Variants in NPFFR2 observed in about 807,000 individuals in gnomAD.
NPFFR2 encodes G-protein coupled receptor 74.
A neutral mutation model predicts 13.1 loss-of-function variants in NPFFR2; 15 were observed. The observed-to-expected ratio is 1.15, with a 90% CI of 0.77 to 1.76. The LOEUF (loss-of-function observed/expected upper bound fraction) is 1.76, where lower values mean the gene tolerates loss of function less well. Among genes scored for constraint, NPFFR2 ranks in the 40% most tolerant of loss-of-function variants. The pLI is 0.00. For missense variants in NPFFR2, 572 were observed against 503.5 expected (o/e 1.14, Z -1.30); for synonymous variants, 190 against 175.7 (o/e 1.08, Z -0.65).
At chr4:72,074,623 G>A (rs1720372188) in intron 1 of NPFFR2, among the ~76,000 whole-genome samples, 1 of 151,836 alleles carries the variant, frequency 6.6e-6, no homozygotes, top group Admixed American at 6.6e-5. Context: ...GGTAAAGGGG[G>A]ACTACTATAT....
intron 1 of NPFFR2, among the ~76,000 whole-genome samples, chr4:72,033,920 T>A (rs1195662100): frequency 1.3e-5 from 2 of 152,132 alleles, no homozygotes; most frequent in South Asian, 2.1e-4. Context: ...TGTGTGTGCA[T>A]GTGTGTGAGT....
At position 72,145,264 on chromosome 4, in the gene NPFFR2, T is replaced by C. The variant is rs1722739215; in HGVS notation, c.429-1714T>C. ...TATTAAACAAATATGTAAGTACATA[T>C]ATTGTTATAAATATAAATATATAAA... On this transcript the variant is annotated intron_variant, in intron 3 of 3. Transcript: ENST00000308744. Among the ~76,000 whole-genome samples the C allele has an allele frequency of 3.9e-5, 4 of 102,692 alleles. No homozygotes were observed. In the East Asian group the frequency reaches 2.1e-3, roughly 53 times the overall value. 67.4% of individuals were successfully genotyped at this position (102,692 alleles called of 152,430 possible).
Position 72,147,791 on chromosome 4 carries a change from T to G in NPFFR2, c.1242T>G (p.Thr414=). Residue 414 remains threonine (T), a synonymous_variant, in exon 4 of 4, where the codon ACT becomes ACG. Transcript: ENST00000308744. ...TAGTGATGGAAGAATTAAAAGAAAC[T>G]ACTAACAGCAGTGAGATTTAAAAAG... ...QELVMEELKE[T]TNSSEI is the part of the protein sequence containing the mutation. The G allele has an allele frequency of 1.3e-6, 2 of 1,577,716 alleles. No individual in the cohort carries two copies. The highest frequency in any genetic ancestry group is 1.7e-6 in the Non-Finnish European group (2 of 1,169,068).
Position 72,032,978 on chromosome 4 carries a change from A to G in NPFFR2, c.-8+778A>G, listed in dbSNP as rs183706222. Among the ~76,000 whole-genome samples the G allele has an allele frequency of 2.3e-3, 344 of 152,342 alleles. 5 individuals are homozygous for G. Among genetic ancestry groups the G allele is most frequent in the African/African-American group, 7.8e-3 (324 of 41,558 alleles). On this transcript the variant is annotated intron_variant, in intron 1 of 3. Coordinates refer to ENST00000308744, the MANE Select transcript of NPFFR2 (RefSeq NM_004885.3). ...CTTTTTAAAAAATCTTAATGATAACATGAATTATACAAAGATGCTGGTTTC... is the reference window on the plus strand; with the variant it reads ...CTTTTTAAAAAATCTTAATGATAACGTGAATTATACAAAGATGCTGGTTTC...
At chr4:72,078,957 T>C (rs1490900707) in intron 1 of NPFFR2, among the ~76,000 whole-genome samples, 1 of 152,022 alleles carries the variant, frequency 6.6e-6, no homozygotes, top group Non-Finnish European at 1.5e-5. Flanking sequence ...GCTGTTGCTA[T>C]AGAAGGGTAG....
rs560113820 is a variant in NPFFR2, at chr4:72,089,745, A to G, written c.-7-38840A>G. 5.9e-5 allele frequency among the ~76,000 whole-genome samples: 9 copies of G among 152,204 alleles called. No homozygotes were observed. In the South Asian group the frequency reaches 1.5e-3, roughly 25 times the overall value. ...TCCCTTGTCAGATGCATAGATTACA[A>G]ATATTTTCTCCCACTCTTTGTGTTA... is the stretch of plus-strand genomic sequence containing the variant. On this transcript the variant is annotated intron_variant, in intron 1 of 3. Transcript: ENST00000308744.
At chr4:72,120,718 C>A (rs1046074182) in intron 1 of NPFFR2, among the ~76,000 whole-genome samples, 9 of 152,106 alleles carry the variant, frequency 5.9e-5, no homozygotes, top group Non-Finnish European at 1.0e-4. Flanking sequence ...TCAACATCAA[C>A]AAAAAGGAAG....
At chr4:72,102,534 A>AC (rs1721283903) in intron 1 of NPFFR2, among the ~76,000 whole-genome samples, 1 of 39,206 alleles carries the variant, frequency 2.6e-5, no homozygotes, top group Admixed American at 3.5e-4. Flanking sequence ...CCCTCCCCCC[A>AC]CCCACAACAG....
At chr4:72,053,212 G>GTAAATAGAA (rs374901586) in intron 1 of NPFFR2, among the ~76,000 whole-genome samples, 10 of 151,786 alleles carry the variant, frequency 6.6e-5, no homozygotes, top group African/African-American at 2.4e-4. Flanking sequence ...CAAGTTATCT[G>GTAAATAGAA]TAAATAGAAA....
intron 3 of NPFFR2, among the ~76,000 whole-genome samples, chr4:72,141,749 G>C (rs991155825): frequency 6.6e-5 from 10 of 152,168 alleles, no homozygotes; most frequent in Admixed American, 6.5e-4. Context: ...GATTTGGGGT[G>C]GAGAGTTCGG....
intron 1 of NPFFR2, among the ~76,000 whole-genome samples, chr4:72,121,803 A>G (rs1003338249): frequency 8.5e-5 from 13 of 152,230 alleles, no homozygotes; most frequent in African/African-American, 3.1e-4. Flanking sequence ...AAACATACCA[A>G]ATTGTAAAGA....
chr4:72,033,929 G>C lies in NPFFR2; in HGVS notation c.-8+1729G>C, dbSNP rs11946518. 3.8e-3 allele frequency among the ~76,000 whole-genome samples: 586 copies of C among 152,248 alleles called. 3 individuals carry two copies. The highest frequency in any genetic ancestry group is 0.014 in the African/African-American group (563 of 41,538). ...TGTGTGTGTGTGTGCATGTGTGTGA[G>C]TGAGTGTGATTTTTTATGAGAATTC... On this transcript the variant is annotated intron_variant, in intron 1 of 3. Transcript: ENST00000308744.
At chr4:72,123,088 A>G (rs1195060592) in intron 1 of NPFFR2, among the ~76,000 whole-genome samples, 1 of 152,178 alleles carries the variant, frequency 6.6e-6, no homozygotes, top group Non-Finnish European at 1.5e-5. Flanking sequence ...ACTGATTATC[A>G]TCACTGATCC....
At chr4:72,135,411 AT>A in intron 2 of NPFFR2, among the ~76,000 whole-genome samples, 1 of 151,164 alleles carries the variant, frequency 6.6e-6, no homozygotes, top group East Asian at 2.0e-4. Flanking sequence ...TGCTCTTTTA[AT>A]TTTTTTCATC....
intron 1 of NPFFR2, among the ~76,000 whole-genome samples, chr4:72,118,481 A>G (rs1426609548): frequency 6.6e-6 from 1 of 152,166 alleles, no homozygotes; most frequent in African/African-American, 2.4e-5. Context: ...GCAGGTATTA[A>G]TCATGAATCT....
At chr4:72,095,340 A>G (rs1307362661) in intron 1 of NPFFR2, among the ~76,000 whole-genome samples, 1 of 152,166 alleles carries the variant, frequency 6.6e-6, no homozygotes, top group Non-Finnish European at 1.5e-5. Context: ...GACTGAAATC[A>G]GTCATGATGG....
At chr4:72,069,908 A>G (rs1455411248) in intron 1 of NPFFR2, among the ~76,000 whole-genome samples, 2 of 152,162 alleles carry the variant, frequency 1.3e-5, no homozygotes, top group East Asian at 3.9e-4. Flanking sequence ...ATAATAGCCG[A>G]CATTTATAAT....
At chr4:72,036,146 T>C (rs1056038752) in intron 1 of NPFFR2, among the ~76,000 whole-genome samples, 3 of 152,190 alleles carry the variant, frequency 2.0e-5, no homozygotes, top group African/African-American at 7.2e-5. Flanking sequence ...TTGAGTATGC[T>C]TACAATCCCT....
intron 1 of NPFFR2, chr4:72,039,385 A>G: frequency 1.0e-6 from 1 of 984,968 alleles, no homozygotes; most frequent in Non-Finnish European, 1.2e-6. Context: ...GCCTCTGCCC[A>G]CCTCTTCTCT....
Sources: allele counts gnomAD v4.1 joint callset (sites outside exome capture counted in the v4.1 genomes callset), GRCh38; gene constraint gnomAD v4.1.1; transcripts MANE v1.5; gene names NCBI Gene and HGNC (gene_info 2026-07-23, HGNC 2026-07-21).